The following NRXN2 variants were observed in gnomAD, a reference collection of about 807,000 sequenced individuals.
NRXN2 encodes neurexin-2-beta.
In NRXN2, 29 loss-of-function variants were observed where a neutral mutation model predicts 128.8. The ratio of observed to expected loss-of-function variants is 0.23; its 90% CI spans 0.17 to 0.31. The LOEUF (loss-of-function observed/expected upper bound fraction) is 0.31. Among genes scored for constraint, NRXN2 ranks in the 10% least tolerant of loss-of-function variants. NRXN2 has a pLI of 1.00. For missense variants in NRXN2, 1,881 were observed against 2,452.6 expected, an observed-to-expected ratio of 0.77 and a Z score of 4.92; for synonymous variants, 1,098 against 1,075.2, an observed-to-expected ratio of 1.02 and a Z score of -0.41.
At chr11:64,694,270 C>G (rs1347484064) in intron 3 of NRXN2, among the ~76,000 whole-genome samples, 1 of 152,334 alleles carries the variant, frequency 6.6e-6, no homozygotes, top group African/African-American at 2.4e-5. Flanking sequence ...CCACTGTCAC[C>G]CTTGGAAACC....
Position 64,713,027 on chromosome 11 carries a change from C to G in NRXN2, c.673G>C (p.Gly225Arg). The change falls in exon 2 of 23, where the codon GGC (glycine) becomes CGC (arginine). Residue 225 changes from glycine to arginine, a missense_variant. Gly to Arg is a moderately radical substitution (Grantham distance 125, BLOSUM62 -2). Transcript: ENST00000265459. Reference protein sequence around the residue: ...NGGLCTVLAPGEVGCDCSHTG... With the variant: ...NGGLCTVLAPREVGCDCSHTG... ...TGGCTGCAGTCGCAGCCCACCTCGCCGGGGGCCAGCACGGTGCAGAGGCCG... is the reference window on the plus strand; with the variant it reads ...TGGCTGCAGTCGCAGCCCACCTCGCGGGGGGCCAGCACGGTGCAGAGGCCG... 6.8e-7 allele frequency: 1 copy of G among 1,474,230 alleles called. No homozygotes were observed. The allele number at this position is 1,474,230 out of a possible 1,614,324, so 91.3% of individuals were successfully genotyped here. A position where few individuals can be genotyped will look rare whatever the true frequency, so the allele number is the denominator to read the frequency against.
rs1207212 is a variant in NRXN2 at position 64,693,200 on chromosome 11, A to G, written c.749-324T>C. ...CTGGAGGAAGGAGGGGGCGGGGGGC[A>G]CTGCAGCGGGGAGAGGAGATTTTGG... On this transcript the variant is annotated intron_variant, in intron 3 of 22. Coordinates refer to ENST00000265459, the MANE Select transcript of NRXN2 (RefSeq NM_015080.4). Among the ~76,000 whole-genome samples, 129,185 of 131,226 alleles carry G rather than the reference A, an allele frequency of 0.98. 63,643 individuals carry two copies. The highest frequency in any genetic ancestry group is 1 in the Middle Eastern group (272 of 272). 86.1% of individuals were successfully genotyped at this position (131,226 alleles called of 152,430 possible). A position where few individuals can be genotyped will look rare whatever the true frequency, so the allele number is the denominator to read the frequency against.
chr11:64,713,691 G>C lies in NRXN2; in HGVS notation c.9C>G (p.Ser3=). The C allele has an allele frequency of 8.9e-7, 1 of 1,126,786 alleles. No individual in the cohort carries two copies. The highest frequency in any genetic ancestry group is 1.1e-6 in the Non-Finnish European group (1 of 924,040). The allele number at this position is 1,126,786 out of a possible 1,614,324, so 69.8% of individuals were successfully genotyped here. A position where few individuals can be genotyped will look rare whatever the true frequency, so the allele number is the denominator to read the frequency against. ...GCGGTGTCGGCCGCCACCGGCTCCC[G>C]GACGCCATGCCTACGGCGGCCCCGG... is the stretch of plus-strand genomic sequence containing the variant. MA[S]GSRWRPTPPP... Residue 3 remains serine, a synonymous_variant, in exon 2 of 23, where the codon TCC becomes TCG. Coordinates refer to ENST00000265459, the MANE Select transcript of NRXN2 (RefSeq NM_015080.4).
At position 64,607,404 on chromosome 11, in the gene NRXN2, G is replaced by A. The variant is rs1285441923; in HGVS notation, c.4931C>T (p.Ala1644Val). 2 of 1,613,180 alleles carry A rather than the reference G, an allele frequency of 1.2e-6. No homozygotes were observed. Among genetic ancestry groups the A allele is most frequent in the South Asian group, 1.1e-5 (1 of 91,074 alleles). The change falls in exon 23 of 23, where the codon GCG becomes GTG. Residue 1644 changes from alanine (A) to valine (V), a missense_variant. This residue lies in a region of NRXN2 where 11 missense variants were observed against 31.3 expected (regional missense o/e 0.35). Coordinates refer to ENST00000265459, the MANE Select transcript of NRXN2 (RefSeq NM_015080.4). The stretch of plus-strand genomic sequence containing the variant: ...GATGAGGATGCAGAGCGCCGCCGCC[G>A]CCACAATGCCCACCACCATGCCCGT... ...STTGMVVGIV[A>V]AAALCILILL...
intron 1 of NRXN2, among the ~76,000 whole-genome samples, chr11:64,719,700 G>A (rs1167908602): frequency 6.6e-6 from 1 of 152,180 alleles, no homozygotes; most frequent in African/African-American, 2.4e-5. Context: ...TGGTGGGAGG[G>A]ATGAGCACCA....
At position 64,610,946 on chromosome 11, in the gene NRXN2, T is replaced by A. The variant is rs183759791; in HGVS notation, c.4253-2864A>T. ...TTCAGAACACCCTTCCCTGCTGACA[T>A]CTCAGAGTCTGGCCAAACACCTCCT... On this transcript the variant is annotated intron_variant, in intron 22 of 22. Coordinates refer to ENST00000265459, the MANE Select transcript of NRXN2 (RefSeq NM_015080.4). 3.9e-5 allele frequency among the ~76,000 whole-genome samples: 6 copies of A among 152,284 alleles called. No individual in the cohort carries two copies. The East Asian group carries it at 9.7e-4, about 25-fold the overall frequency.
Position 64,623,313 on chromosome 11 carries a change from G to A in NRXN2, c.3848-235C>T. Reference sequence around the variant, plus strand: ...ACCCCAGAAGGGGAGGGCACCCAGGGTACACATGGGCTGGGGAAGGGGAGC... The same window carrying A: ...ACCCCAGAAGGGGAGGGCACCCAGGATACACATGGGCTGGGGAAGGGGAGC... On this transcript the variant is annotated intron_variant, in intron 20 of 22. Transcript: ENST00000265459. The surrounding 1 kb of genome is among the most constrained non-coding windows in gnomAD (Gnocchi z 4.9). 3.1e-6 allele frequency: 2 copies of A among 644,498 alleles called. No homozygotes were observed. Among genetic ancestry groups the A allele is most frequent in the Non-Finnish European group, 5.2e-6 (2 of 383,364 alleles). 39.9% of individuals were successfully genotyped at this position (644,498 alleles called of 1,614,324 possible).
In NRXN2 at chr11:64,608,579, G is replaced by A. The variant is rs145827124; in HGVS notation, c.4253-497C>T. 2.5e-3 allele frequency among the ~76,000 whole-genome samples: 373 copies of A among 148,982 alleles called. 1 individual carries two copies. The highest frequency in any genetic ancestry group is 8.4e-3 in the African/African-American group (339 of 40,424). ...GGCAACTTACATCAACAAATAGGCCGTGTGATTTTAGCATGAAGAAAAAAA... is the reference window on the plus strand; with the variant it reads ...GGCAACTTACATCAACAAATAGGCCATGTGATTTTAGCATGAAGAAAAAAA... On this transcript the variant is annotated intron_variant, in intron 22 of 22. Coordinates refer to ENST00000265459, the MANE Select transcript of NRXN2 (RefSeq NM_015080.4).
intron 9 of NRXN2, among the ~76,000 whole-genome samples, chr11:64,665,767 A>G (rs1453074884): frequency 1.3e-5 from 2 of 152,228 alleles, no homozygotes; most frequent in South Asian, 2.1e-4. Flanking sequence ...GCTGACGTTG[A>G]TAAGTGCTTA....
At chr11:64,609,929 T>TGCCCCACTGCA (rs974589229) in intron 22 of NRXN2, among the ~76,000 whole-genome samples, 20 of 152,232 alleles carry the variant, frequency 1.3e-4, no homozygotes, top group East Asian at 3.9e-4. Flanking sequence ...AGGTCCCGCC[T>TGCCCCACTGCA]GCCCCACTGC....
At chr11:64,608,498 T>C (rs1252757519) in intron 22 of NRXN2, among the ~76,000 whole-genome samples, 1 of 149,994 alleles carries the variant, frequency 6.7e-6, no homozygotes, top group Non-Finnish European at 1.5e-5. Context: ...TTTTTGCTTT[T>C]TTTTTTTTTT....
intron 5 of NRXN2, among the ~76,000 whole-genome samples, chr11:64,687,859 C>G (rs1292517126): frequency 6.6e-6 from 1 of 152,152 alleles, no homozygotes; most frequent in Non-Finnish European, 1.5e-5. Context: ...CTCTAGGGAA[C>G]AGAAGCCAAG....
At position 64,606,821 on chromosome 11, in the gene NRXN2, T is replaced by C. The variant is rs1240595331; in HGVS notation, c.*375A>G. On this transcript the variant is annotated 3_prime_UTR_variant, in exon 23 of 23. Coordinates refer to ENST00000265459, the MANE Select transcript of NRXN2 (RefSeq NM_015080.4). ...GGGACAGAAGGAAGAAGAAGAAAAA[T>C]TGAGGAAAATTAACAGGACGAGCAG... is the stretch of plus-strand genomic sequence containing the variant. 4.7e-6 allele frequency: 1 copy of C among 211,560 alleles called. No homozygotes were observed. Among genetic ancestry groups the C allele is most frequent in the Non-Finnish European group, 9.5e-6 (1 of 104,918 alleles). The allele number at this position is 211,560 out of a possible 1,614,324, so 13.1% of individuals were successfully genotyped here.
In NRXN2 at chr11:64,607,540, C is replaced by T. The variant is rs771317981; in HGVS notation, c.4795G>A (p.Gly1599Ser). The T allele has an allele frequency of 6.4e-7, 1 of 1,561,264 alleles. No homozygotes were observed. Among genetic ancestry groups the T allele is most frequent in the Non-Finnish European group, 8.6e-7 (1 of 1,157,664 alleles). Reference protein sequence around the residue: ...EPRRPPPLRPGVTSAPGFPHL... With the variant: ...EPRRPPPLRPSVTSAPGFPHL... Reference sequence around the variant, plus strand: ...GGGAAGCCGGGGGCTGAGGTCACGCCGGGGCGCAGGGGAGGGGGCCTCCGC... The same window carrying T: ...GGGAAGCCGGGGGCTGAGGTCACGCTGGGGCGCAGGGGAGGGGGCCTCCGC... Residue 1599 changes from glycine (G) to serine (S), a missense_variant, in exon 23 of 23, where the codon GGC becomes AGC. Transcript: ENST00000265459.
intron 2 of NRXN2, among the ~76,000 whole-genome samples, chr11:64,708,198 T>G (rs1381691952): frequency 6.6e-6 from 1 of 152,078 alleles, no homozygotes; most frequent in African/African-American, 2.4e-5. Context: ...AAAGAGGCCT[T>G]GGCAACTACC....
Position 64,648,212 on chromosome 11 carries a change from C to T in NRXN2, c.3403+7G>A, listed in dbSNP as rs1323748164. On this transcript the variant is annotated splice_region_variant and intron_variant, in intron 17 of 22. Coordinates refer to ENST00000265459, the MANE Select transcript of NRXN2 (RefSeq NM_015080.4). This position sits in a 1 kb window ranked among gnomAD's most constrained non-coding sequence, Gnocchi z 4.1. ...CCAAACTGCCCCCAGCCCTCCCAGGCACTCACGATCATTGCAGACAGGGCC... is the reference window on the plus strand; with the variant it reads ...CCAAACTGCCCCCAGCCCTCCCAGGTACTCACGATCATTGCAGACAGGGCC... The T allele has an allele frequency of 1.9e-6, 3 of 1,614,042 alleles. No individual in the cohort carries two copies. The highest frequency in any genetic ancestry group is 2.5e-6 in the Non-Finnish European group (3 of 1,180,024).
chr11:64,700,258 T>TC (rs772187438), intron 2 of NRXN2, among the ~76,000 whole-genome samples: 2 of 152,170 alleles, frequency 1.3e-5, no homozygotes. Flanking sequence ...TCACCATGTG[T>TC]CCACCCAGCA....
intron 1 of NRXN2, among the ~76,000 whole-genome samples, chr11:64,718,454 T>G (rs938186621): frequency 6.6e-6 from 1 of 152,080 alleles, no homozygotes; most frequent in Admixed American, 6.5e-5. Flanking sequence ...CACATTCTGG[T>G]GGCCCCAGAA....
chr11:64,692,767 A>C, intron 4 of NRXN2, 80 bp downstream of exon 4: 1 of 1,478,346 alleles, frequency 6.8e-7, no homozygotes, highest in Non-Finnish European at 9.5e-7. Flanking sequence ...GGACAGGGGA[A>C]GGACAGGGAG....
Sources: allele counts gnomAD v4.1 joint callset (sites outside exome capture counted in the v4.1 genomes callset), GRCh38; gene constraint gnomAD v4.1.1; regional missense constraint gnomAD v4.1.1; non-coding constraint Gnocchi (gnomAD v3.1); transcripts MANE v1.5; gene names NCBI Gene and HGNC (gene_info 2026-07-23, HGNC 2026-07-21).